Variants in RAPGEF6 observed in about 807,000 individuals in gnomAD.
RAPGEF6 encodes the protein Rap guanine nucleotide exchange factor 6, also known as PDZ domain containing guanine nucleotide exchange factor (GEF) 2.
In RAPGEF6, 56 loss-of-function variants were observed where a neutral mutation model predicts 171.4. The observed-to-expected ratio is 0.33, with a 90% CI of 0.26 to 0.41. RAPGEF6 has a LOEUF of 0.41. RAPGEF6 is among the 10% of genes least tolerant of loss of function. RAPGEF6 has a pLI of 1.00. For synonymous variants in RAPGEF6, 692 were observed against 650.1 expected (o/e 1.06, Z -0.98); for missense variants, 1,674 against 1,921.4 (o/e 0.87, Z 2.41).
chr5:131,580,316 G>A (rs551082490), intron 4 of RAPGEF6, among the ~76,000 whole-genome samples: 86 of 152,246 alleles, frequency 5.6e-4, no homozygotes, highest in Admixed American at 1.6e-3. Flanking sequence ...AGCACCAGCC[G>A]GTCACTCCGA....
At chr5:131,615,439 T>C (rs1320929325) in intron 1 of RAPGEF6, among the ~76,000 whole-genome samples, 3 of 152,200 alleles carry the variant, frequency 2.0e-5, no homozygotes, top group Non-Finnish European at 2.9e-5. Context: ...TGAGGTACTA[T>C]ATTATCTATT....
At chr5:131,614,110 C>T (rs1263554796) in intron 1 of RAPGEF6, among the ~76,000 whole-genome samples, 2 of 151,838 alleles carry the variant, frequency 1.3e-5, no homozygotes, top group Non-Finnish European at 2.9e-5. Context: ...GGTGAAACCC[C>T]ATCTCTACTA....
intron 1 of RAPGEF6, among the ~76,000 whole-genome samples, chr5:131,620,738 G>A (rs374711785): frequency 6.6e-6 from 1 of 151,982 alleles, no homozygotes; most frequent in African/African-American, 2.4e-5. Flanking sequence ...CTAAAGGCAC[G>A]CATCACCATG....
chr5:131,571,528 T>G (rs1296570808), intron 4 of RAPGEF6, among the ~76,000 whole-genome samples: 1 of 152,186 alleles, frequency 6.6e-6, no homozygotes. Flanking sequence ...ATACAATATC[T>G]CTACACTGAA....
At chr5:131,465,028 T>C (rs1469677314) in intron 17 of RAPGEF6, among the ~76,000 whole-genome samples, 4 of 152,220 alleles carry the variant, frequency 2.6e-5, no homozygotes, top group Non-Finnish European at 4.4e-5. Context: ...TAAGACTCAG[T>C]AACTGATAAT....
In RAPGEF6 at chr5:131,431,155, G is replaced by A. The variant is rs1001966965; in HGVS notation, c.4169C>T (p.Ser1390Phe). 6.2e-7 allele frequency: 1 copy of A among 1,614,218 alleles called. No homozygotes were observed. The highest frequency in any genetic ancestry group is 8.5e-7 in the Non-Finnish European group (1 of 1,180,038). Residue 1390 changes from serine (S) to phenylalanine (F), a missense_variant, in exon 26 of 28, where the codon TCT (serine) becomes TTT (phenylalanine). Transcript: ENST00000509018. Reference sequence around the variant, plus strand: ...GTCATCCAAATGGGTATGTCTGTAAGAGTTCAAAAAATCCCAGCTTTTTGG... The same window carrying A: ...GTCATCCAAATGGGTATGTCTGTAAAAGTTCAAAAAATCCCAGCTTTTTGG... ...PNPKSWDFLN[S>F]YRHTHLDDPI...
intron 6 of RAPGEF6, among the ~76,000 whole-genome samples, chr5:131,532,721 G>A (rs143002399): frequency 7.7e-4 from 116 of 151,224 alleles, no homozygotes; most frequent in South Asian, 6.5e-3. Context: ...GATATATGCC[G>A]TAACAGGTTT....
intron 3 of RAPGEF6, among the ~76,000 whole-genome samples, chr5:131,595,977 AC>A (rs1210901330): frequency 2.0e-5 from 3 of 152,194 alleles, no homozygotes; most frequent in South Asian, 2.1e-4. Flanking sequence ...ACATGGCGAA[AC>A]CCTGTCTCTA....
At position 131,455,814 on chromosome 5, in the gene RAPGEF6, T is replaced by C. The variant is rs147752980; in HGVS notation, c.3063A>G (p.Thr1021=). ...PLFPVVKKDM[T]FLHEGNDSKV... ...ATGTTTTCATACCTTCATGTAGAAA[T>C]GTCATATCTTTCTTGACAACAGGGA... The change falls in exon 20 of 28, where the codon ACA becomes ACG. Residue 1021 remains threonine, a synonymous_variant. Transcript: ENST00000509018. 9.4e-4 allele frequency: 1,510 copies of C among 1,611,060 alleles called. 1 individual carries two copies. The highest frequency in any genetic ancestry group is 1.2e-3 in the Non-Finnish European group (1,411 of 1,177,616).
intron 16 of RAPGEF6, among the ~76,000 whole-genome samples, chr5:131,474,968 T>G (rs1445242879): frequency 6.6e-6 from 1 of 152,242 alleles, no homozygotes. Context: ...GGGAATTAAC[T>G]GCATCAACTG....
chr5:131,563,492 C>A (rs949166242), intron 4 of RAPGEF6, among the ~76,000 whole-genome samples: 3 of 152,056 alleles, frequency 2.0e-5, no homozygotes, highest in Non-Finnish European at 4.4e-5. Context: ...TTGAACATAA[C>A]CAAAAAATCA....
chr5:131,508,071 C>T lies in RAPGEF6; in HGVS notation c.942G>A (p.Glu314=). 3 of 1,598,542 alleles carry T rather than the reference C, an allele frequency of 1.9e-6. No individual in the cohort carries two copies. Among genetic ancestry groups the T allele is most frequent in the African/African-American group, 2.7e-5 (2 of 74,290 alleles). The change falls in exon 9 of 28, where the codon GAG becomes GAA. Residue 314 remains glutamate, a splice_region_variant and synonymous_variant. Coordinates refer to ENST00000509018, the MANE Select transcript of RAPGEF6 (RefSeq NM_016340.6). ...GTATGTAATTTATTTATTGACCTACCTCTTGCCCATCTTCAAGAATAATAG... is the reference window on the plus strand; with the variant it reads ...GTATGTAATTTATTTATTGACCTACTTCTTGCCCATCTTCAAGAATAATAG... ...AGAIILEDGQ[E]LDSWYVILNG... is the part of the protein sequence containing the mutation.
At chr5:131,460,757 T>C (rs2149833609) in intron 19 of RAPGEF6, among the ~76,000 whole-genome samples, 2 of 152,290 alleles carry the variant, frequency 1.3e-5, no homozygotes, top group African/African-American at 4.8e-5. Flanking sequence ...AGTTCAGTTG[T>C]AGACACTGGT....
intron 1 of RAPGEF6, among the ~76,000 whole-genome samples, chr5:131,626,460 G>A (rs531647626): frequency 6.6e-6 from 1 of 151,876 alleles, no homozygotes; most frequent in East Asian, 2.0e-4. Flanking sequence ...AGTATACATG[G>A]CTTGCCATCA....
In RAPGEF6 at chr5:131,436,396, G is replaced by A. The variant is rs569104753; in HGVS notation, c.3746-2738C>T. 4 of 1,529,884 alleles carry A rather than the reference G, an allele frequency of 2.6e-6. No individual in the cohort carries two copies. In the African/African-American group the frequency reaches 4.1e-5, roughly 16 times the overall value. 94.8% of individuals were successfully genotyped at this position (1,529,884 alleles called of 1,614,324 possible). A position where few individuals can be genotyped will look rare whatever the true frequency, so the allele number is the denominator to read the frequency against. On this transcript the variant is annotated intron_variant, in intron 24 of 27. Coordinates refer to ENST00000509018, the MANE Select transcript of RAPGEF6 (RefSeq NM_016340.6). ...GATACTGCCAACTGGAGGGAGAGAT[G>A]CAAAAACCCTGACATGGTCAATCAC... is the stretch of plus-strand genomic sequence containing the variant.
chr5:131,450,165 G>T, intron 21 of RAPGEF6: 1 of 1,123,732 alleles, frequency 8.9e-7, no homozygotes, highest in Non-Finnish European at 1.3e-6. Context: ...CATTTTATCA[G>T]GAAAAAATTA....
chr5:131,604,960 T>C (rs1764466975), intron 1 of RAPGEF6, among the ~76,000 whole-genome samples: 1 of 152,210 alleles, frequency 6.6e-6, no homozygotes, highest in African/African-American at 2.4e-5. Flanking sequence ...TATATGAAAG[T>C]ATATTAATTC....
chr5:131,495,504 G>C (rs1187171224), intron 13 of RAPGEF6, 49 bp downstream of exon 13: 1 of 1,452,478 alleles, frequency 6.9e-7, no homozygotes. Flanking sequence ...TGCTAGTGTT[G>C]AGGGGGGACC....
intron 1 of RAPGEF6, among the ~76,000 whole-genome samples, chr5:131,610,740 C>T (rs1467830544): frequency 2.0e-5 from 3 of 152,060 alleles, no homozygotes; most frequent in Non-Finnish European, 4.4e-5. Flanking sequence ...ATTCTTCCCA[C>T]CACCATCTCT....
Sources: gnomAD v4.1 joint callset for allele counts (sites outside exome capture counted in the v4.1 genomes callset) on GRCh38, gnomAD v4.1.1 for gene constraint, MANE v1.5 for transcripts, NCBI Gene and HGNC (gene_info 2026-07-23, HGNC 2026-07-21) for gene names.